ST3GAL1: variants seen among roughly 807,000 people sequenced by gnomAD.
ST3GAL1 encodes CMP-N-acetylneuraminate-beta-galactosamide-alpha-2,3-sialyltransferase 1.
ST3GAL1 carries 16 observed loss-of-function variants against 34.1 expected under a neutral mutation model. The ratio of observed to expected loss-of-function variants is 0.47; its 90% confidence interval spans 0.32 to 0.71. The LOEUF (loss-of-function observed/expected upper bound fraction) is 0.71, where lower values mean the gene tolerates loss of function less well. Among genes scored for constraint, ST3GAL1 ranks in the 30% least tolerant of loss-of-function variants. The probability of loss-of-function intolerance (pLI) is 0.04; values close to 1 mark genes in which losing one functional copy is unlikely to be tolerated. For missense variants in ST3GAL1, 353 were observed against 447.4 expected, an observed-to-expected ratio of 0.79 and a Z score of 1.90; for synonymous variants, 191 against 184.7, an observed-to-expected ratio of 1.03 and a Z score of -0.28.
At chr8:133,498,020 T>C (rs1817021867) in intron 3 of ST3GAL1, among the ~76,000 whole-genome samples, 2 of 152,246 alleles carry the variant, frequency 1.3e-5, no homozygotes, top group South Asian at 4.1e-4. Flanking sequence ...GCTTGCTCAC[T>C]CACTGCATTC....
chr8:133,521,333 C>G (rs1563725278), intron 2 of ST3GAL1, among the ~76,000 whole-genome samples: 1 of 151,928 alleles, frequency 6.6e-6, no homozygotes, highest in Non-Finnish European at 1.5e-5. Context: ...GAATCTTGCT[C>G]TATTGCCCAG....
intron 2 of ST3GAL1, among the ~76,000 whole-genome samples, chr8:133,511,763 T>C (rs1817504795): frequency 6.6e-6 from 1 of 152,120 alleles, no homozygotes; most frequent in Non-Finnish European, 1.5e-5. Flanking sequence ...GGGAGTTTAT[T>C]AAGGAGAAGG....
At chr8:133,499,698 C>T (rs1817085665) in intron 2 of ST3GAL1, among the ~76,000 whole-genome samples, 1 of 152,152 alleles carries the variant, frequency 6.6e-6, no homozygotes, top group South Asian at 2.1e-4. Flanking sequence ...ATTATTTAGC[C>T]TCATGACAGT....
chr8:133,497,818 A>C (rs1387730188), intron 3 of ST3GAL1, among the ~76,000 whole-genome samples: 2 of 152,080 alleles, frequency 1.3e-5, no homozygotes, highest in Admixed American at 1.3e-4. Flanking sequence ...ACATTCCTGC[A>C]GACACTTGGA....
chr8:133,479,031 C>T (rs1816283660), intron 3 of ST3GAL1, among the ~76,000 whole-genome samples: 1 of 152,240 alleles, frequency 6.6e-6, no homozygotes, highest in Non-Finnish European at 1.5e-5. Flanking sequence ...ACACTACTCA[C>T]TGCGTGACCA....
chr8:133,478,403 T>C (rs1816258577), intron 3 of ST3GAL1, among the ~76,000 whole-genome samples: 1 of 152,170 alleles, frequency 6.6e-6, no homozygotes, highest in Admixed American at 6.5e-5. Flanking sequence ...CTGCTGGCTA[T>C]TTTGCTAGCG....
At chr8:133,542,779 C>CAAAAAAA (rs35321251) in intron 2 of ST3GAL1, among the ~76,000 whole-genome samples, 2 of 85,510 alleles carry the variant, frequency 2.3e-5, no homozygotes, top group African/African-American at 4.6e-5. Context: ...TCCTCCATCT[C>CAAAAAAA]AAAAAAAAAA....
intron 3 of ST3GAL1, among the ~76,000 whole-genome samples, chr8:133,491,510 C>T (rs1296516114): frequency 2.0e-5 from 3 of 152,268 alleles, no homozygotes; most frequent in South Asian, 2.1e-4. Flanking sequence ...GAGGTGTGGC[C>T]GCTCTGGAGC....
rs368794586 is a variant in ST3GAL1, at chr8:133,464,793, G to A, written c.668C>T (p.Thr223Met). The change falls in exon 7 of 10, where the codon ACG (threonine) becomes ATG (methionine). Residue 223 changes from threonine to methionine, a missense_variant. Coordinates refer to ENST00000522652, the MANE Select transcript of ST3GAL1 (RefSeq NM_173344.3). ...AGGGACTCACTGGGAAATGGTGCCC[G>A]TGGTGATGGCGCTCACCACCCACTC... ...DLEWVVSAIT[T>M]GTISHTYIPV... The A allele has an allele frequency of 2.4e-5, 38 of 1,613,094 alleles. No individual in the cohort carries two copies. The highest frequency in any genetic ancestry group is 6.7e-5 in the East Asian group (3 of 44,830).
At position 133,551,608 on chromosome 8, in the gene ST3GAL1, AAGAAAGAAAG is replaced by A. The variant is rs772523520; in HGVS notation, c.-581-5692_-581-5683del. ...AAAGAAAGAAAGAAAGAAAGAAAGAAAGAAAGAAAGAGCGAGCAAGCCTTTCTCTGAGTTT... is the reference window on the plus strand; with the variant it reads ...AAAGAAAGAAAGAAAGAAAGAAAGAAAGCGAGCAAGCCTTTCTCTGAGTTT... On this transcript the variant is annotated intron_variant, in intron 1 of 9. Coordinates refer to ENST00000522652, the MANE Select transcript of ST3GAL1 (RefSeq NM_173344.3). Among the ~76,000 whole-genome samples, 614 of 135,492 alleles carry A rather than the reference AAGAAAGAAAG, an allele frequency of 4.5e-3. 6 individuals are homozygous for A. Among genetic ancestry groups the A allele is most frequent in the Admixed American group, 0.014 (193 of 13,708 alleles). The allele number at this position is 135,492 out of a possible 152,430, so 88.9% of individuals were successfully genotyped here.
chr8:133,503,476 C>T (rs763036216), intron 2 of ST3GAL1, among the ~76,000 whole-genome samples: 17 of 152,060 alleles, frequency 1.1e-4, no homozygotes, highest in African/African-American at 3.4e-4. Context: ...GCCCCATCTC[C>T]GCCACCCCTC....
Position 133,556,708 on chromosome 8 carries a change from G to C in ST3GAL1, c.-581-10782C>G, listed in dbSNP as rs952925646. Among the ~76,000 whole-genome samples the C allele has an allele frequency of 3.3e-5, 5 of 152,190 alleles. No individual in the cohort carries two copies. The highest frequency in any genetic ancestry group is 1.2e-4 in the African/African-American group (5 of 41,442). On this transcript the variant is annotated intron_variant, in intron 1 of 9. Transcript: ENST00000522652. This position sits in a 1 kb window ranked among gnomAD's most constrained non-coding sequence, Gnocchi z 8.9. ...GAAAACTATTAGCCATGGAAACCTT[G>C]CACCCAAGGACACGGCTGACATCAT...
intron 8 of ST3GAL1, among the ~76,000 whole-genome samples, chr8:133,462,834 G>A (rs2736871): frequency 0.24 from 36,256 of 152,172 alleles, 4,919 homozygotes; most frequent in Non-Finnish European, 0.32. Context: ...CTGGAGGCAC[G>A]GGGAGTCTTC....
intron 1 of ST3GAL1, among the ~76,000 whole-genome samples, chr8:133,562,789 CTTTCT>C (rs1819268008): frequency 8.8e-6 from 1 of 113,302 alleles, no homozygotes; most frequent in Non-Finnish European, 2.0e-5. Context: ...TTCTTTCTTT[CTTTCT>C]TTCCTTCCTT....
rs1371294326 is a variant in ST3GAL1, at chr8:133,570,243, G to A, written c.-582+1450C>T. Reference sequence around the variant, plus strand: ...AACCAGCTCGTCGCAAACTTGCGGGGCTTGGGGACCCGCGAGGGGGAGAAG... The same window carrying A: ...AACCAGCTCGTCGCAAACTTGCGGGACTTGGGGACCCGCGAGGGGGAGAAG... On this transcript the variant is annotated intron_variant, in intron 1 of 9. Coordinates refer to ENST00000522652, the MANE Select transcript of ST3GAL1 (RefSeq NM_173344.3). The surrounding 1 kb of genome is among the most constrained non-coding windows in gnomAD (Gnocchi z 5.6). The A allele has an allele frequency of 6.6e-6, 1 of 152,336 alleles. No homozygotes were observed. The highest frequency in any genetic ancestry group is 1.5e-5 in the Non-Finnish European group (1 of 68,114). 9.4% of individuals were successfully genotyped at this position (152,336 alleles called of 1,614,324 possible).
chr8:133,557,809 G>A (rs1254761678), intron 1 of ST3GAL1, among the ~76,000 whole-genome samples: 1 of 151,710 alleles, frequency 6.6e-6, no homozygotes, highest in Non-Finnish European at 1.5e-5. Context: ...GGAGGCTGAG[G>A]CAGGAGAATT....
rs759396044 is a variant in ST3GAL1, at chr8:133,457,578, G to A, written c.*2186C>T. 6.6e-6 allele frequency: 1 copy of A among 152,194 alleles called. No individual in the cohort carries two copies. Among genetic ancestry groups the A allele is most frequent in the African/African-American group, 2.4e-5 (1 of 41,442 alleles). The allele number at this position is 152,194 out of a possible 1,614,324, so 9.4% of individuals were successfully genotyped here. On this transcript the variant is annotated 3_prime_UTR_variant, in exon 10 of 10. Transcript: ENST00000522652. ...ATTTACCAGCCTTTCTCAGAAAAAA[G>A]AAAAGTCTTTAAAGTTTTGGAGGAT...
intron 3 of ST3GAL1, among the ~76,000 whole-genome samples, chr8:133,493,151 G>A (rs967210919): frequency 6.6e-5 from 10 of 152,156 alleles, no homozygotes; most frequent in Admixed American, 3.3e-4. Context: ...AGGACTGGAC[G>A]CACTGTCCCC....
chr8:133,473,774 C>A (rs1816055517), intron 5 of ST3GAL1, among the ~76,000 whole-genome samples: 1 of 152,238 alleles, frequency 6.6e-6, no homozygotes. Context: ...GCACTCCTAG[C>A]ATTTAGTAGG....
Sources: gnomAD v4.1 joint callset for allele counts (sites outside exome capture counted in the v4.1 genomes callset) on GRCh38, gnomAD v4.1.1 for gene constraint, Gnocchi (gnomAD v3.1) non-coding constraint, MANE v1.5 for transcripts, NCBI Gene and HGNC (gene_info 2026-07-23, HGNC 2026-07-21) for gene names.